NELL1: variants seen among roughly 807,000 people sequenced by gnomAD.
The protein encoded by NELL1 is neural EGFL like 1.
In NELL1, 76 loss-of-function variants were observed where a neutral mutation model predicts 107.4. That is an observed-to-expected ratio of 0.71 (90% CI 0.59 to 0.86). NELL1 has a LOEUF of 0.86. Ranked by LOEUF, NELL1 falls within the 40% of genes least tolerant of loss-of-function variation. NELL1 has a pLI of 0.00. For missense variants in NELL1, 1,024 were observed against 1,005.5 expected (o/e 1.02, Z -0.25); for synonymous variants, 353 against 341.2 (o/e 1.03, Z -0.38).
At chr11:21,322,700 C>A (rs1204613422) in intron 14 of NELL1, among the ~76,000 whole-genome samples, 1 of 152,064 alleles carries the variant, frequency 6.6e-6, no homozygotes, top group Non-Finnish European at 1.5e-5. Context: ...ACTAGCTGAG[C>A]CTGGTTCCAT....
At chr11:21,333,283 A>G (rs1335841376) in intron 14 of NELL1, among the ~76,000 whole-genome samples, 1 of 152,078 alleles carries the variant, frequency 6.6e-6, no homozygotes, top group African/African-American at 2.4e-5. Context: ...GCAGTCAGAA[A>G]GACCTAGTTT....
chr11:21,557,789 C>T (rs1258198174), intron 16 of NELL1, among the ~76,000 whole-genome samples: 1 of 151,966 alleles, frequency 6.6e-6, no homozygotes, highest in African/African-American at 2.4e-5. Context: ...ACTCTAAAGA[C>T]CGAGTTTTGG....
rs369114547 is a variant in NELL1, at chr11:20,915,700, G to GATATATATATATATATATATATAT, written c.604-2464_604-2463insATATATATATATATATATATATAT. Among the ~76,000 whole-genome samples the GATATATATATATATATATATATAT allele has an allele frequency of 6.2e-3, 182 of 29,408 alleles. 16 individuals are homozygous for GATATATATATATATATATATATAT. The highest frequency in any genetic ancestry group is 0.017 in the Middle Eastern group (1 of 58). 19.3% of individuals were successfully genotyped at this position (29,408 alleles called of 152,430 possible). ...TTCATCTGTGGAAATCCTCATAGAT[G>GATATATATATATATATATATATAT]ATATATATATATATATATTTTTTTT... is the stretch of plus-strand genomic sequence containing the variant. On this transcript the variant is annotated intron_variant, in intron 5 of 19. Coordinates refer to ENST00000357134, the MANE Select transcript of NELL1 (RefSeq NM_006157.5).
intron 15 of NELL1, among the ~76,000 whole-genome samples, chr11:21,455,832 CCTTTTA>C (rs1853713762): frequency 6.6e-6 from 1 of 151,310 alleles, no homozygotes; most frequent in Non-Finnish European, 1.5e-5. Context: ...TTTTTGACCC[CCTTTTA>C]CTTTTTCTTT....
In NELL1 at chr11:20,952,728, T is replaced by A. The variant is rs188138482; in HGVS notation, c.1171+5293T>A. On this transcript the variant is annotated intron_variant, in intron 11 of 19. Coordinates refer to ENST00000357134, the MANE Select transcript of NELL1 (RefSeq NM_006157.5). Reference sequence around the variant, plus strand: ...GGATAGTCTTAGTGAGTAAATGAATTCATGGTCCTAAACGTGCTACAGTGG... The same window carrying A: ...GGATAGTCTTAGTGAGTAAATGAATACATGGTCCTAAACGTGCTACAGTGG... 2.0e-5 allele frequency among the ~76,000 whole-genome samples: 3 copies of A among 152,280 alleles called. No individual in the cohort carries two copies. The East Asian group carries it at 5.8e-4, about 29-fold the overall frequency.
At chr11:20,708,057 C>G (rs1228210761) in intron 2 of NELL1, among the ~76,000 whole-genome samples, 1 of 152,246 alleles carries the variant, frequency 6.6e-6, no homozygotes, top group Non-Finnish European at 1.5e-5. Flanking sequence ...GAGCGCCCCT[C>G]TCCCAGCCTC....
At chr11:20,733,033 G>C (rs1057155671) in intron 2 of NELL1, among the ~76,000 whole-genome samples, 1 of 152,070 alleles carries the variant, frequency 6.6e-6, no homozygotes, top group Non-Finnish European at 1.5e-5. Context: ...ACCTTTCTAA[G>C]TCTCAATTTG....
At chr11:21,373,635 G>A (rs1289071911) in intron 15 of NELL1, among the ~76,000 whole-genome samples, 1 of 152,032 alleles carries the variant, frequency 6.6e-6, no homozygotes, top group Non-Finnish European at 1.5e-5. Context: ...GAAAATTCCT[G>A]TCTGATGTTA....
chr11:20,740,421 C>A (rs1855864510), intron 2 of NELL1, among the ~76,000 whole-genome samples: 2 of 152,218 alleles, frequency 1.3e-5, no homozygotes, highest in Admixed American at 1.3e-4. Flanking sequence ...CGGTCCCAGG[C>A]TCTTGCTCCT....
At chr11:21,281,981 G>A (rs1450034168) in intron 14 of NELL1, among the ~76,000 whole-genome samples, 2 of 152,106 alleles carry the variant, frequency 1.3e-5, no homozygotes, top group Non-Finnish European at 2.9e-5. Context: ...GACAACAAAA[G>A]CAAAAGTGGG....
At chr11:21,196,545 A>T (rs372235029) in intron 13 of NELL1, among the ~76,000 whole-genome samples, 5 of 151,978 alleles carry the variant, frequency 3.3e-5, no homozygotes, top group Admixed American at 6.6e-5. Context: ...TCTGCATTTC[A>T]TCTAAGTCTT....
chr11:21,201,405 G>A (rs1857266750), intron 13 of NELL1, among the ~76,000 whole-genome samples: 1 of 152,118 alleles, frequency 6.6e-6, no homozygotes, highest in Non-Finnish European at 1.5e-5. Flanking sequence ...GTGAATGGTA[G>A]TTCACTCATG....
At chr11:20,813,464 C>A (rs1467771281) in intron 3 of NELL1, among the ~76,000 whole-genome samples, 1 of 12,374 alleles carries the variant, frequency 8.1e-5, no homozygotes, top group Non-Finnish European at 3.3e-4. Context: ...TTGAAGAGGA[C>A]GTGATAAAAA....
At chr11:20,941,205 T>C (rs1850847484) in intron 10 of NELL1, among the ~76,000 whole-genome samples, 1 of 152,148 alleles carries the variant, frequency 6.6e-6, no homozygotes, top group Admixed American at 6.5e-5. Flanking sequence ...GTTACTAAAC[T>C]AATAGGTTAG....
At chr11:21,420,051 G>GGT (rs377018999) in intron 15 of NELL1, among the ~76,000 whole-genome samples, 7 of 151,234 alleles carry the variant, frequency 4.6e-5, no homozygotes, top group East Asian at 3.9e-4. Context: ...GGTGCGTGTG[G>GGT]GTGTGTGTGT....
chr11:21,545,906 C>T (rs539430407), intron 16 of NELL1, among the ~76,000 whole-genome samples: 2 of 152,030 alleles, frequency 1.3e-5, no homozygotes, highest in Admixed American at 1.3e-4. Context: ...ATCAGCAGCT[C>T]TGTGGGTAAG....
chr11:21,213,197 TA>T (rs527239056), intron 13 of NELL1, among the ~76,000 whole-genome samples: 148 of 152,162 alleles, frequency 9.7e-4, no homozygotes, highest in African/African-American at 3.4e-3. Flanking sequence ...GCTTAACATT[TA>T]AAAAAACACT....
At chr11:21,334,712 C>A (rs1210582892) in intron 14 of NELL1, among the ~76,000 whole-genome samples, 9 of 151,902 alleles carry the variant, frequency 5.9e-5, no homozygotes, top group Non-Finnish European at 1.3e-4. Flanking sequence ...AGAATTTTAA[C>A]CATTTTATTA....
intron 2 of NELL1, among the ~76,000 whole-genome samples, chr11:20,744,372 G>A (rs75991720): frequency 0.035 from 5,319 of 152,286 alleles, 303 homozygotes; most frequent in African/African-American, 0.12. Flanking sequence ...AATCAGACCA[G>A]TCTTCTCACT....
Sources: gnomAD v4.1 joint callset for allele counts (sites outside exome capture counted in the v4.1 genomes callset) on GRCh38, gnomAD v4.1.1 for gene constraint, MANE v1.5 for transcripts, NCBI Gene and HGNC (gene_info 2026-07-23, HGNC 2026-07-21) for gene names.